Variants in COG4 observed in about 807,000 individuals in gnomAD.
The protein encoded by COG4 is component of oligomeric golgi complex 4.
In COG4, 65 loss-of-function variants were observed where a neutral mutation model predicts 95.1. That is an observed-to-expected ratio of 0.68 (90% CI 0.56 to 0.84). COG4 has a LOEUF of 0.84. Ranked by LOEUF, COG4 falls within the 40% of genes least tolerant of loss-of-function variation. The pLI, the probability that COG4 is intolerant of heterozygous loss-of-function variation, is 0.00. For synonymous variants in COG4, 421 were observed against 374.8 expected (o/e 1.12, Z -1.42); for missense variants, 1,045 against 989.1 (o/e 1.06, Z -0.76).
chr16:70,481,951 T>C, intron 16 of COG4, 86 bp from the exon 17 acceptor site: 1 of 1,400,210 alleles, frequency 7.1e-7, no homozygotes, highest in Non-Finnish European at 1.0e-6. Flanking sequence ...GATAGTAGCG[T>C]GAGGCCACGG....
In COG4 at chr16:70,481,474, T is replaced by C. The variant is rs1175120451; in HGVS notation, c.2120A>G (p.Gln707Arg). ...KSTFNRLGGLQFDKELRSLIA... is the reference protein window; with the variant it reads ...KSTFNRLGGLRFDKELRSLIA... ...GAGCGACCTCAGCTCCTTGTCAAAC[T>C]GCAGACCACCCAGCTGCAGGAGAAC... Residue 707 changes from glutamine to arginine, a missense_variant, in exon 18 of 19, where the codon CAG becomes CGG. Transcript: ENST00000323786. 26 of 1,612,264 alleles carry C rather than the reference T, an allele frequency of 1.6e-5. No individual in the cohort carries two copies. Among genetic ancestry groups the C allele is most frequent in the Non-Finnish European group, 2.1e-5 (25 of 1,179,996 alleles).
chr16:70,480,902 G>C lies in COG4; in HGVS notation c.*108C>G. On this transcript the variant is annotated 3_prime_UTR_variant, in exon 19 of 19. Transcript: ENST00000323786. ...CTGCTGCCAGCCGTAGAAAGGTCTG[G>C]GCTGTCAGATCTCCCCCAAGCCAGA... is the stretch of plus-strand genomic sequence containing the variant. 1 of 1,334,330 alleles carries C rather than the reference G, an allele frequency of 7.5e-7. No individual in the cohort carries two copies. Among genetic ancestry groups the C allele is most frequent in the Non-Finnish European group, 1.1e-6 (1 of 941,700 alleles). 82.7% of individuals were successfully genotyped at this position (1,334,330 alleles called of 1,614,324 possible). A position where few individuals can be genotyped will look rare whatever the true frequency, so the allele number is the denominator to read the frequency against.
rs148095799 is a variant in COG4, at chr16:70,506,200, G to A, written c.1061+2206C>T. The stretch of plus-strand genomic sequence containing the variant: ...TCATGAGGGTCAGGAGATCGAGTCC[G>A]TCCTGGCTAACACAGTAAAACCCTG... On this transcript the variant is annotated intron_variant, in intron 8 of 18. Transcript: ENST00000323786. Among the ~76,000 whole-genome samples, 498 of 151,458 alleles carry A rather than the reference G, an allele frequency of 3.3e-3. 7 individuals carry two copies. The highest frequency in any genetic ancestry group is 5.8e-3 in the Non-Finnish European group (391 of 67,866).
At chr16:70,514,192 G>C in intron 4 of COG4, 143 bp downstream of exon 4, 1 of 843,576 alleles carries the variant, frequency 1.2e-6, no homozygotes, top group Non-Finnish European at 1.9e-6. Context: ...CCTGACAAGA[G>C]CAAGACTCCG....
chr16:70,522,635 A>T lies in COG4; in HGVS notation c.171+738T>A, dbSNP rs2049973714. ...AGAAGTTTGGTCTGGGAAACAGCTG[A>T]CAAGCTTAGAGCTTAGATCTCTTTT... On this transcript the variant is annotated intron_variant, in intron 1 of 18. Coordinates refer to ENST00000323786, the MANE Select transcript of COG4 (RefSeq NM_015386.3). Among the ~76,000 whole-genome samples the T allele has an allele frequency of 2.6e-5, 4 of 152,342 alleles. No homozygotes were observed. The South Asian group carries it at 8.3e-4, about 32-fold the overall frequency.
intron 4 of COG4, among the ~76,000 whole-genome samples, chr16:70,513,384 C>T (rs1415187826): frequency 6.6e-6 from 1 of 152,160 alleles, no homozygotes; most frequent in Non-Finnish European, 1.5e-5. Context: ...GATCTGGATT[C>T]AGTTTCCTTT....
chr16:70,517,903 T>G (rs1031015457), intron 2 of COG4, among the ~76,000 whole-genome samples, 163 bp from the exon 3 acceptor site: 1 of 152,176 alleles, frequency 6.6e-6, no homozygotes, highest in Non-Finnish European at 1.5e-5. Context: ...CGTTTGACTG[T>G]AAACTCAGAC....
At chr16:70,483,813 C>A in intron 14 of COG4, 40 bp downstream of exon 14, 3 of 1,441,310 alleles carry the variant, frequency 2.1e-6, no homozygotes, top group Middle Eastern at 1.7e-4. Context: ...GAGCAACACA[C>A]AGGCACAGGA....
rs747394673 is a variant in COG4 at position 70,514,499 on chromosome 16, T to C, written c.380A>G (p.Tyr127Cys). ...RQLDLAKNRL[Y>C]QAIQRADDIL... ...GTCATCAGCTCTCTGAATGGCCTGA[T>C]AGAGGCGGTTCTGCAAAAAGATTTG... Residue 127 changes from tyrosine (Y) to cysteine (C), a missense_variant, in exon 4 of 19, where the codon TAT (tyrosine) becomes TGT (cysteine). Coordinates refer to ENST00000323786, the MANE Select transcript of COG4 (RefSeq NM_015386.3). 3.7e-6 allele frequency: 6 copies of C among 1,613,908 alleles called. No homozygotes were observed. The highest frequency in any genetic ancestry group is 5.1e-6 in the Non-Finnish European group (6 of 1,179,998).
chr16:70,482,967 T>G, intron 14 of COG4, 146 bp from the exon 15 acceptor site: 1 of 524,886 alleles, frequency 1.9e-6, no homozygotes, highest in Non-Finnish European at 3.4e-6. Context: ...TCCCCATTTC[T>G]TCCTTCTCTC....
chr16:70,484,139 C>A (rs1045259309), intron 13 of COG4, among the ~76,000 whole-genome samples, 170 bp from the exon 14 acceptor site: 2 of 152,220 alleles, frequency 1.3e-5, no homozygotes, highest in African/African-American at 4.8e-5. Context: ...TCCCACTTCC[C>A]CCTCTGTAAT....
At chr16:70,482,417 G>A (rs1597652672) in intron 15 of COG4, 1 of 617,092 alleles carries the variant, frequency 1.6e-6, no homozygotes, top group Non-Finnish European at 2.9e-6. Context: ...TTCCTTCTTG[G>A]ATCTCTTGTT....
At chr16:70,498,206 ATTCTGTTTT>A in intron 9 of COG4, 151 bp from the exon 10 acceptor site, 1 of 646,342 alleles carries the variant, frequency 1.5e-6, no homozygotes, top group Admixed American at 2.6e-5. Context: ...GCAATTTTGA[ATTCTGTTTT>A]AAAAAAGTAT....
chr16:70,488,195 G>A (rs992684792), intron 13 of COG4, among the ~76,000 whole-genome samples: 12 of 151,480 alleles, frequency 7.9e-5, no homozygotes, highest in African/African-American at 2.7e-4. Context: ...GTGAAGTGGC[G>A]TGATCTCGAC....
intron 13 of COG4, 54 bp downstream of exon 13, chr16:70,490,276 T>A: frequency 7.0e-7 from 1 of 1,429,338 alleles, no homozygotes; most frequent in Admixed American, 1.7e-5. Context: ...TAGGGCTCTA[T>A]CTCAACATGG....
intron 4 of COG4, among the ~76,000 whole-genome samples, chr16:70,512,667 G>C (rs890277141): frequency 6.6e-5 from 10 of 152,166 alleles, no homozygotes; most frequent in African/African-American, 1.2e-4. Flanking sequence ...ATGAAATACA[G>C]TACATGATGT....
chr16:70,504,349 G>A (rs1358404834), intron 8 of COG4, among the ~76,000 whole-genome samples: 2 of 152,178 alleles, frequency 1.3e-5, no homozygotes, highest in East Asian at 1.9e-4. Flanking sequence ...GTTCACGACT[G>A]TAATCCCACT....
At chr16:70,483,147 C>A (rs1357755778) in intron 14 of COG4, among the ~76,000 whole-genome samples, 11 of 84,636 alleles carry the variant, frequency 1.3e-4, no homozygotes, top group Non-Finnish European at 2.2e-4. Flanking sequence ...TCTCCCCACC[C>A]CTTCCCTCTC....
At chr16:70,490,860 C>T (rs2049229436) in intron 12 of COG4, among the ~76,000 whole-genome samples, 1 of 151,954 alleles carries the variant, frequency 6.6e-6, no homozygotes, top group Non-Finnish European at 1.5e-5. Context: ...GGGGTTTCAC[C>T]ATGTTAGCCA....
Sources: gnomAD v4.1 joint callset for allele counts (sites outside exome capture counted in the v4.1 genomes callset) on GRCh38, gnomAD v4.1.1 for gene constraint, MANE v1.5 for transcripts, NCBI Gene and HGNC (gene_info 2026-07-23, HGNC 2026-07-21) for gene names.